Variants in CLASP2 observed in about 807,000 individuals in gnomAD.
CLASP2 encodes the protein cytoplasmic linker associated protein 2.
In CLASP2, 47 loss-of-function variants were observed where a neutral mutation model predicts 194.4. The ratio of observed to expected loss-of-function variants is 0.24; its 90% confidence interval spans 0.19 to 0.31. CLASP2 has a LOEUF of 0.31. Ranked by LOEUF, CLASP2 falls within the 10% of genes least tolerant of loss-of-function variation. The pLI, the probability that CLASP2 is intolerant of heterozygous loss-of-function variation, is 1.00. For synonymous variants in CLASP2, 619 were observed against 633.5 expected (o/e 0.98, Z 0.34); for missense variants, 1,445 against 1,823.6 (o/e 0.79, Z 3.78).
chr3:33,577,157 C>A (rs746330890), intron 23 of CLASP2: 42 of 1,349,626 alleles, frequency 3.1e-5, no homozygotes, highest in South Asian at 6.2e-5. Flanking sequence ...AGGATAAAAT[C>A]TGAGATGAAT....
At chr3:33,626,084 C>G (rs549880592) in intron 10 of CLASP2, among the ~76,000 whole-genome samples, 1 of 152,044 alleles carries the variant, frequency 6.6e-6, no homozygotes, top group African/African-American at 2.4e-5. Flanking sequence ...AGAATAGGAG[C>G]CATATTTAAC....
chr3:33,560,380 T>A (rs953636528), intron 28 of CLASP2, among the ~76,000 whole-genome samples: 5 of 152,026 alleles, frequency 3.3e-5, no homozygotes, highest in Non-Finnish European at 5.9e-5. Flanking sequence ...GTAGCTGAGA[T>A]TACAGGTGCC....
chr3:33,667,476 A>C (rs1339400398), intron 6 of CLASP2, among the ~76,000 whole-genome samples: 1 of 148,098 alleles, frequency 6.8e-6, no homozygotes, highest in Non-Finnish European at 1.5e-5. Context: ...GTTTTCTTTT[A>C]CTTTCTTGAT....
chr3:33,566,613 C>T (rs1357950067), intron 27 of CLASP2, 119 bp downstream of exon 27: 4 of 325,632 alleles, frequency 1.2e-5, no homozygotes, highest in South Asian at 2.5e-5. Context: ...AATAGCATTT[C>T]GTGGATTGCA....
chr3:33,542,649 T>C (rs952538483), intron 32 of CLASP2, among the ~76,000 whole-genome samples: 2 of 149,060 alleles, frequency 1.3e-5, no homozygotes, highest in Admixed American at 6.7e-5. Flanking sequence ...ATATATGACA[T>C]ATATGTAATT....
intron 29 of CLASP2, among the ~76,000 whole-genome samples, chr3:33,554,298 T>C (rs1395485178): frequency 2.0e-5 from 3 of 151,598 alleles, no homozygotes; most frequent in Non-Finnish European, 4.4e-5. Flanking sequence ...AAATGTGGTA[T>C]ATATACACAA....
At chr3:33,676,097 T>C (rs574282938) in intron 6 of CLASP2, among the ~76,000 whole-genome samples, 8 of 152,232 alleles carry the variant, frequency 5.3e-5, no homozygotes, top group Admixed American at 2.6e-4. Context: ...AAAGTTCATA[T>C]GGAACCAAAA....
At chr3:33,553,935 A>T (rs2060467263) in intron 29 of CLASP2, among the ~76,000 whole-genome samples, 1 of 152,118 alleles carries the variant, frequency 6.6e-6, no homozygotes, top group Non-Finnish European at 1.5e-5. Context: ...TAATACCAAG[A>T]TATGGAATCG....
At chr3:33,508,501 G>A (rs1373585549) in intron 37 of CLASP2, among the ~76,000 whole-genome samples, 2 of 151,234 alleles carry the variant, frequency 1.3e-5, no homozygotes, top group Non-Finnish European at 2.9e-5. Context: ...GCTAACTTTT[G>A]TATTTTTAGT....
At chr3:33,567,478 C>T (rs2062952735) in intron 26 of CLASP2, among the ~76,000 whole-genome samples, 1 of 152,114 alleles carries the variant, frequency 6.6e-6, no homozygotes, top group African/African-American at 2.4e-5. Flanking sequence ...ACAGTGAAGG[C>T]AGTTCTTTCC....
intron 7 of CLASP2, chr3:33,645,508 A>G: frequency 1.9e-6 from 1 of 535,944 alleles, no homozygotes; most frequent in Non-Finnish European, 3.3e-6. Flanking sequence ...CCAATCAGCT[A>G]CAAGGTGACA....
At chr3:33,696,697 C>T (rs2154351167) in intron 2 of CLASP2, among the ~76,000 whole-genome samples, 158 bp downstream of exon 2, 1 of 152,120 alleles carries the variant, frequency 6.6e-6, no homozygotes, top group South Asian at 2.1e-4. Flanking sequence ...AACTTCTGAC[C>T]TTTGGTGATC....
chr3:33,580,832 G>A (rs1286860601), intron 23 of CLASP2, among the ~76,000 whole-genome samples: 4 of 151,660 alleles, frequency 2.6e-5, no homozygotes, highest in African/African-American at 7.3e-5. Flanking sequence ...TGGCTAACAC[G>A]GTGAAACACC....
At chr3:33,621,245 G>A (rs994582624) in intron 11 of CLASP2, among the ~76,000 whole-genome samples, 1 of 152,018 alleles carries the variant, frequency 6.6e-6, no homozygotes, top group African/African-American at 2.4e-5. Context: ...TACCCTGTCT[G>A]CTGTCTATTA....
At chr3:33,705,619 T>A (rs983081642) in intron 1 of CLASP2, among the ~76,000 whole-genome samples, 1 of 152,086 alleles carries the variant, frequency 6.6e-6, no homozygotes, top group Non-Finnish European at 1.5e-5. Flanking sequence ...CCAAGCAGTA[T>A]CTCAAATAAG....
chr3:33,551,031 G>A (rs1428546680), intron 30 of CLASP2, among the ~76,000 whole-genome samples: 1 of 152,166 alleles, frequency 6.6e-6, no homozygotes, highest in Non-Finnish European at 1.5e-5. Context: ...AAAATTAGAG[G>A]GAGGATTGTG....
intron 8 of CLASP2, 90 bp from the exon 9 acceptor site, chr3:33,632,461 T>A (rs1055561985): frequency 3.5e-6 from 3 of 857,940 alleles, no homozygotes; most frequent in South Asian, 3.7e-5. Context: ...TCTTTTGATA[T>A]CAACAAAAGT....
chr3:33,621,364 G>A (rs148597857), intron 11 of CLASP2, among the ~76,000 whole-genome samples: 385 of 152,046 alleles, frequency 2.5e-3, no homozygotes, highest in African/African-American at 9.1e-3. Flanking sequence ...TATTAATTTG[G>A]GTTTTCTTTG....
At chr3:33,659,084 C>T in intron 7 of CLASP2, 1 of 1,515,234 alleles carries the variant, frequency 6.6e-7, no homozygotes, top group Non-Finnish European at 8.8e-7. Flanking sequence ...GGCCTGCAGC[C>T]TGCAGACACC....
Sources: gnomAD v4.1 joint callset for allele counts (sites outside exome capture counted in the v4.1 genomes callset) on GRCh38, gnomAD v4.1.1 for gene constraint, MANE v1.5 for transcripts, NCBI Gene and HGNC (gene_info 2026-07-23, HGNC 2026-07-21) for gene names.